The following VPS13A variants were observed in gnomAD, a reference collection of about 807,000 sequenced individuals.
The protein encoded by VPS13A is intermembrane lipid transfer protein VPS13A.
In VPS13A, 264 loss-of-function variants were observed where a neutral mutation model predicts 390.9. The observed-to-expected ratio is 0.68, with a 90% CI of 0.61 to 0.75. The LOEUF (loss-of-function observed/expected upper bound fraction) is 0.75. Among genes scored for constraint, VPS13A ranks in the 30% least tolerant of loss-of-function variants. The pLI is 0.00. For synonymous variants in VPS13A, 1,231 were observed against 1,227.1 expected, an observed-to-expected ratio of 1.00 and a Z score of -0.07; for missense variants, 3,409 against 3,733.9, an observed-to-expected ratio of 0.91 and a Z score of 2.27.
At chr9:77,243,519 T>C (rs1824626562) in intron 19 of VPS13A, among the ~76,000 whole-genome samples, 1 of 152,202 alleles carries the variant, frequency 6.6e-6, no homozygotes, top group Non-Finnish European at 1.5e-5. Flanking sequence ...TTACAGAGCC[T>C]GCTCAACTAG....
At chr9:77,233,266 C>A (rs1183971834) in intron 17 of VPS13A, among the ~76,000 whole-genome samples, 5 of 151,574 alleles carry the variant, frequency 3.3e-5, no homozygotes, top group Admixed American at 2.6e-4. Flanking sequence ...ACTTTGATTT[C>A]TAGTTATAGA....
At chr9:77,353,901 A>G (rs1019536048) in intron 54 of VPS13A, among the ~76,000 whole-genome samples, 1 of 152,100 alleles carries the variant, frequency 6.6e-6, no homozygotes, top group Non-Finnish European at 1.5e-5. Flanking sequence ...CAACTTGCCA[A>G]AAGTATGTTT....
chr9:77,397,345 C>G (rs1834156900), intron 68 of VPS13A, among the ~76,000 whole-genome samples: 1 of 152,048 alleles, frequency 6.6e-6, no homozygotes, highest in Non-Finnish European at 1.5e-5. Context: ...GTTCATACCT[C>G]TTTGCAACAC....
rs11145368 is a variant in VPS13A at position 77,283,100 on chromosome 9, A to G, written c.3119-255A>G. Among the ~76,000 whole-genome samples the G allele has an allele frequency of 0.12, 18,624 of 152,198 alleles. 1,301 individuals are homozygous for G. The highest frequency in any genetic ancestry group is 0.18 in the African/African-American group (7,499 of 41,510). ...TCAAAAAATTTTGAAATTTATAGCTACAGTGTTTTAGTTTCAAATGTTTAG... is the reference window on the plus strand; with the variant it reads ...TCAAAAAATTTTGAAATTTATAGCTGCAGTGTTTTAGTTTCAAATGTTTAG... On this transcript the variant is annotated intron_variant, in intron 29 of 71. Coordinates refer to ENST00000360280, the MANE Select transcript of VPS13A (RefSeq NM_033305.3).
chr9:77,384,849 G>GA lies in VPS13A; in HGVS notation c.9189+2769dup, dbSNP rs1407607033. 13 of 1,440,158 alleles carry GA rather than the reference G, an allele frequency of 9.0e-6. No homozygotes were observed. The African/African-American group carries it at 1.3e-4, about 14-fold the overall frequency. The allele number at this position is 1,440,158 out of a possible 1,614,324, so 89.2% of individuals were successfully genotyped here. ...AAAATAATTGTATTATTTAAGCACA[G>GA]AAAAAAATGTATCTTACATCCAAAG... is the stretch of plus-strand genomic sequence containing the variant. On this transcript the variant is annotated intron_variant, in intron 68 of 71. Transcript: ENST00000360280.
At position 77,370,540 on chromosome 9, in the gene VPS13A, A is replaced by G; in HGVS notation, c.8869A>G (p.Arg2957Gly). The change falls in exon 65 of 72, where the codon AGA becomes GGA. Residue 2957 changes from arginine (R) to glycine (G), a missense_variant. Physicochemically the swap from Arg to Gly is moderately radical, Grantham distance 125 (BLOSUM62 -2). Transcript: ENST00000360280. ...CATGAATAAGCAACCAGCTGGTTTT[A>G]GAGAAGGCATCACTCGTGGAGGAAA... ...EAMNKQPAGF[R>G]EGITRGGKGL... 6.2e-7 allele frequency: 1 copy of G among 1,614,180 alleles called. No individual in the cohort carries two copies. Among genetic ancestry groups the G allele is most frequent in the Non-Finnish European group, 8.5e-7 (1 of 1,180,022 alleles).
At chr9:77,413,994 C>G (rs907489307) in intron 71 of VPS13A, among the ~76,000 whole-genome samples, 1 of 152,188 alleles carries the variant, frequency 6.6e-6, no homozygotes, top group African/African-American at 2.4e-5. Flanking sequence ...AAAAAATGCT[C>G]ACATCACTGG....
intron 68 of VPS13A, chr9:77,385,075 C>A: frequency 1.0e-6 from 1 of 996,432 alleles, no homozygotes; most frequent in Non-Finnish European, 1.2e-6. Flanking sequence ...TAATGTAATG[C>A]CACTGTGTAA....
chr9:77,403,389 A>T (rs564695177), intron 69 of VPS13A, 68 bp downstream of exon 69: 3 of 1,287,082 alleles, frequency 2.3e-6, no homozygotes, highest in Admixed American at 3.5e-5. Flanking sequence ...TGAGGTGAAG[A>T]TTTGTTATTC....
chr9:77,193,369 C>CCCTGT (rs1824797573), intron 1 of VPS13A, among the ~76,000 whole-genome samples: 1 of 152,172 alleles, frequency 6.6e-6, no homozygotes, highest in Non-Finnish European at 1.5e-5. Flanking sequence ...TACAGTGGCT[C>CCCTGT]ACACCTGTAA....
At chr9:77,386,189 T>C (rs4745628) in intron 68 of VPS13A, among the ~76,000 whole-genome samples, 8 of 152,114 alleles carry the variant, frequency 5.3e-5, no homozygotes, top group South Asian at 2.1e-4. Flanking sequence ...TTGTATTTGT[T>C]GTGCACCCAC....
Position 77,346,750 on chromosome 9 carries a change from C to T in VPS13A, c.7289+1608C>T, listed in dbSNP as rs117505204. Among the ~76,000 whole-genome samples, 388 of 152,264 alleles carry T rather than the reference C, an allele frequency of 2.5e-3. 1 individual carries two copies. Among genetic ancestry groups the T allele is most frequent in the Non-Finnish European group, 4.5e-3 (305 of 68,004 alleles). On this transcript the variant is annotated intron_variant, in intron 52 of 71. Coordinates refer to ENST00000360280, the MANE Select transcript of VPS13A (RefSeq NM_033305.3). ...TATTCTTCTACATGTGGCTTGCCCA[C>T]GATCCCAGTACCATTTGAATAGGAG...
chr9:77,221,178 T>A lies in VPS13A; in HGVS notation c.990-7T>A. The stretch of plus-strand genomic sequence containing the variant: ...AGGGTGTTAAATGTTTTTCTTTTTT[T>A]AACTAGGTGGGCTTATGCTATACAT... On this transcript the variant is annotated splice_polypyrimidine_tract_variant and splice_region_variant and intron_variant, in intron 12 of 71. Coordinates refer to ENST00000360280, the MANE Select transcript of VPS13A (RefSeq NM_033305.3). 1.2e-6 allele frequency: 2 copies of A among 1,613,140 alleles called. No homozygotes were observed. The highest frequency in any genetic ancestry group is 2.2e-5 in the East Asian group (1 of 44,834).
intron 17 of VPS13A, among the ~76,000 whole-genome samples, chr9:77,235,119 T>G (rs914862713): frequency 5.3e-5 from 8 of 152,204 alleles, no homozygotes; most frequent in Non-Finnish European, 2.9e-5. Flanking sequence ...TATTTGCTTA[T>G]GTAGTTACAA....
At chr9:77,250,799 T>A (rs1486788629) in intron 21 of VPS13A, among the ~76,000 whole-genome samples, 2 of 152,184 alleles carry the variant, frequency 1.3e-5, no homozygotes, top group Non-Finnish European at 2.9e-5. Context: ...GAGCTAGTTT[T>A]GAAGATGAAG....
intron 52 of VPS13A, among the ~76,000 whole-genome samples, chr9:77,348,111 T>C (rs1831252406): frequency 6.6e-6 from 1 of 152,140 alleles, no homozygotes; most frequent in African/African-American, 2.4e-5. Flanking sequence ...GACCCAGCAG[T>C]CCCCTTCCTG....
intron 45 of VPS13A, among the ~76,000 whole-genome samples, chr9:77,330,797 A>G (rs1830240552): frequency 6.6e-6 from 1 of 152,134 alleles, no homozygotes; most frequent in African/African-American, 2.4e-5. Context: ...AAAAAAATAC[A>G]TGAAGTTGAA....
chr9:77,411,678 A>AAAAAAAAAG (rs1834936721), intron 71 of VPS13A, among the ~76,000 whole-genome samples: 1 of 148,026 alleles, frequency 6.8e-6, no homozygotes, highest in Non-Finnish European at 1.5e-5. Context: ...AAAAAAAAAA[A>AAAAAAAAAG]AAAAAAAGGA....
At chr9:77,328,333 A>G (rs888168371) in intron 45 of VPS13A, among the ~76,000 whole-genome samples, 2 of 152,120 alleles carry the variant, frequency 1.3e-5, no homozygotes, top group Admixed American at 6.5e-5. Flanking sequence ...TTGTTTTTCC[A>G]TTTATAGAGC....
Sources: gnomAD v4.1 joint callset for allele counts (sites outside exome capture counted in the v4.1 genomes callset) on GRCh38, gnomAD v4.1.1 for gene constraint, MANE v1.5 for transcripts, NCBI Gene and HGNC (gene_info 2026-07-23, HGNC 2026-07-21) for gene names.